The following TM7SF2 variants were observed in gnomAD, a reference collection of about 807,000 sequenced individuals.
TM7SF2 encodes the protein delta(14)-sterol reductase TM7SF2.
TM7SF2 carries 51 observed loss-of-function variants against 51.0 expected under a neutral mutation model. The ratio of observed to expected loss-of-function variants is 1.00; its 90% confidence interval spans 0.80 to 1.26. The LOEUF (loss-of-function observed/expected upper bound fraction) is 1.26. Among genes scored for constraint, TM7SF2 ranks in the 50% most tolerant of loss-of-function variants. The probability of loss-of-function intolerance (pLI) is 0.00; values close to 1 mark genes in which losing one functional copy is unlikely to be tolerated. For synonymous variants in TM7SF2, 255 were observed against 241.0 expected (o/e 1.06, Z -0.54); for missense variants, 541 against 547.4 (o/e 0.99, Z 0.12).
intron 9 of TM7SF2, 123 bp downstream of exon 9, chr11:65,115,721 T>C (rs960008423): frequency 1.9e-6 from 3 of 1,582,968 alleles, no homozygotes; most frequent in Non-Finnish European, 2.6e-6. Flanking sequence ...GTGGACCCAG[T>C]GTGTGGCTGG....
In TM7SF2 at chr11:65,115,613, T is replaced by C; in HGVS notation, c.1096+15T>C. The stretch of plus-strand genomic sequence containing the variant: ...CTTGCCCTGCGGTGAGTGGCCCATG[T>C]GGATATGGGTAGGGACATGTGAGGG... On this transcript the variant is annotated intron_variant, in intron 9 of 9. Coordinates refer to ENST00000279263, the MANE Select transcript of TM7SF2 (RefSeq NM_003273.6). 6.2e-7 allele frequency: 1 copy of C among 1,613,698 alleles called. No homozygotes were observed. The highest frequency in any genetic ancestry group is 1.1e-5 in the South Asian group (1 of 91,068).
Position 65,115,549 on chromosome 11 carries a change from CAACT to C in TM7SF2, c.1049_1052del (p.Asn350IlefsTer117). ...GGTGGTGGGGTATGGTCCGCCATCC[CAACT>C]ATCTTGGAGACCTCATCATGGCTCT... On this transcript the variant is annotated frameshift_variant, in exon 9 of 10. Transcript: ENST00000279263. LOFTEE classifies it high-confidence loss of function. 1.2e-6 allele frequency: 2 copies of C among 1,614,090 alleles called. No homozygotes were observed. The highest frequency in any genetic ancestry group is 1.7e-6 in the Non-Finnish European group (2 of 1,180,022).
In TM7SF2 at chr11:65,112,085, T is replaced by C. The variant is rs757518542; in HGVS notation, c.52+18T>C. 2.5e-6 allele frequency: 4 copies of C among 1,592,624 alleles called. No individual in the cohort carries two copies. The highest frequency in any genetic ancestry group is 3.4e-6 in the Non-Finnish European group (4 of 1,172,366). ...GCCCCTGGGTAATGGGGCAGAGAGA[T>C]GGGACCTGGGGCAAAGGCTAAGCGA... On this transcript the variant is annotated intron_variant, in intron 1 of 9. Transcript: ENST00000279263.
rs780903663 is a variant in TM7SF2, at chr11:65,115,570, C to G, written c.1068C>G (p.Ile356Met). ...VRHPNYLGDL[I>M]MALAWSLPCG... ...ATCCCAACTATCTTGGAGACCTCAT[C>G]ATGGCTCTGGCTTGGTCCTTGCCCT... Residue 356 changes from isoleucine to methionine, a missense_variant, in exon 9 of 10, where the codon ATC becomes ATG. By Grantham distance (10) the Ile-to-Met change is conservative. Transcript: ENST00000279263. The G allele has an allele frequency of 3.1e-6, 5 of 1,614,116 alleles. 1 individual carries two copies. The South Asian group carries it at 5.5e-5, about 18-fold the overall frequency.
chr11:65,113,404 G>A lies in TM7SF2; in HGVS notation c.489G>A (p.Gly163=), dbSNP rs774091739. 2 of 1,614,086 alleles carry A rather than the reference G, an allele frequency of 1.2e-6. No individual in the cohort carries two copies. Among genetic ancestry groups the A allele is most frequent in the African/African-American group, 1.3e-5 (1 of 74,954 alleles). ...QVAPVSALAP[G]GNSGNPIYDF... ...CCCCAGTTTCGGCCCTGGCACCTGG[G>A]GGGAACTCAGGTGAGAGGGGTCCTG... is the stretch of plus-strand genomic sequence containing the variant. Residue 163 remains glycine, a synonymous_variant, in exon 4 of 10, where the codon GGG becomes GGA. Coordinates refer to ENST00000279263, the MANE Select transcript of TM7SF2 (RefSeq NM_003273.6).
At chr11:65,114,593 G>C (rs1407239841) in intron 5 of TM7SF2, 120 bp from the exon 6 acceptor site, 1 of 1,264,174 alleles carries the variant, frequency 7.9e-7, no homozygotes, top group Non-Finnish European at 1.1e-6. Flanking sequence ...CTTGGGTCTA[G>C]GGCCTGGATC....
rs780661792 is a variant in TM7SF2 at position 65,115,768 on chromosome 11, G to A, written c.1097-125G>A. ...GTGCCAACCTAGTACCGTGTGCTTT[G>A]CTGCAGACCCTGGCGCTTTTGCTGC... is the stretch of plus-strand genomic sequence containing the variant. On this transcript the variant is annotated intron_variant, in intron 9 of 9. Coordinates refer to ENST00000279263, the MANE Select transcript of TM7SF2 (RefSeq NM_003273.6). 3.2e-6 allele frequency: 5 copies of A among 1,575,158 alleles called. No individual in the cohort carries two copies. The Admixed American group carries it at 8.4e-5, about 26-fold the overall frequency.
intron 9 of TM7SF2, 58 bp downstream of exon 9, chr11:65,115,656 A>C: frequency 3.1e-6 from 5 of 1,611,254 alleles, no homozygotes; most frequent in Non-Finnish European, 4.2e-6. Flanking sequence ...TGGCTCAGCG[A>C]CCACAGGATG....
chr11:65,115,134 T>C (rs1947960666), intron 7 of TM7SF2, 53 bp downstream of exon 7: 1 of 1,603,828 alleles, frequency 6.2e-7, no homozygotes, highest in Non-Finnish European at 8.5e-7. Context: ...ATCCCTTTGA[T>C]TCATGCTCTG....
chr11:65,113,972 C>A (rs1162330742), intron 5 of TM7SF2, among the ~76,000 whole-genome samples: 3 of 152,186 alleles, frequency 2.0e-5, no homozygotes, highest in African/African-American at 7.2e-5. Flanking sequence ...TGAAATTGAT[C>A]GCTGGGGTTA....
In TM7SF2 at chr11:65,116,218, C is replaced by G; in HGVS notation, c.*165C>G. 8.4e-7 allele frequency: 1 copy of G among 1,195,022 alleles called. No individual in the cohort carries two copies. Among genetic ancestry groups the G allele is most frequent in the Non-Finnish European group, 1.1e-6 (1 of 876,050 alleles). The allele number at this position is 1,195,022 out of a possible 1,614,324, so 74.0% of individuals were successfully genotyped here. A position where few individuals can be genotyped will look rare whatever the true frequency, so the allele number is the denominator to read the frequency against. On this transcript the variant is annotated 3_prime_UTR_variant, in exon 10 of 10. Transcript: ENST00000279263. Reference sequence around the variant, plus strand: ...GTTTAGAGCAAGGAAAAAAATGAAACCAGTGACCAAAATCGGAGATGCTCT... The same window carrying G: ...GTTTAGAGCAAGGAAAAAAATGAAAGCAGTGACCAAAATCGGAGATGCTCT...
intron 3 of TM7SF2, 34 bp downstream of exon 3, chr11:65,112,899 A>G: frequency 6.5e-7 from 1 of 1,544,586 alleles, no homozygotes; most frequent in Non-Finnish European, 8.7e-7. Context: ...GCTGGAGTTA[A>G]GCGGCCGGGG....
chr11:65,113,146 G>A, intron 3 of TM7SF2, 74 bp from the exon 4 acceptor site: 1 of 1,437,478 alleles, frequency 7.0e-7, no homozygotes, highest in Non-Finnish European at 9.2e-7. Flanking sequence ...CCTGAGTTTT[G>A]GGCTCTGCGT....
At position 65,112,806 on chromosome 11, in the gene TM7SF2, C is replaced by T; in HGVS notation, c.250-5C>T. The T allele has an allele frequency of 1.3e-6, 2 of 1,550,354 alleles. No homozygotes were observed. The highest frequency in any genetic ancestry group is 1.7e-6 in the Non-Finnish European group (2 of 1,146,920). ...GGCCTTATCAGAGCCCCCTTGGACC[C>T]GCAGGTGGCCGAGGGGCAGGAATTG... On this transcript the variant is annotated splice_region_variant and splice_polypyrimidine_tract_variant and intron_variant, in intron 2 of 9. Transcript: ENST00000279263.
Position 65,111,910 on chromosome 11 carries a change from G to A in TM7SF2, c.-106G>A, listed in dbSNP as rs1017126794. On this transcript the variant is annotated 5_prime_UTR_variant, in exon 1 of 10. Transcript: ENST00000279263. ...GTCCAGGCAGGTGCAGGCGCCGCGG[G>A]GCCGGATCCTCCGCGCGGCCGAGTC... 2 of 1,298,134 alleles carry A rather than the reference G, an allele frequency of 1.5e-6. No homozygotes were observed. Among genetic ancestry groups the A allele is most frequent in the Non-Finnish European group, 2.2e-6 (2 of 919,472 alleles). 80.4% of individuals were successfully genotyped at this position (1,298,134 alleles called of 1,614,324 possible). A position where few individuals can be genotyped will look rare whatever the true frequency, so the allele number is the denominator to read the frequency against.
At position 65,115,690 on chromosome 11, in the gene TM7SF2, A is replaced by G. The variant is rs537944472; in HGVS notation, c.1096+92A>G. On this transcript the variant is annotated intron_variant, in intron 9 of 9. Coordinates refer to ENST00000279263, the MANE Select transcript of TM7SF2 (RefSeq NM_003273.6). ...TGCCTACTTTGGGTATGCACCAGTG[A>G]GAGTAGTCAGAGAGCTGGGGGTGGA... is the stretch of plus-strand genomic sequence containing the variant. 2.0e-4 allele frequency: 314 copies of G among 1,604,478 alleles called. 2 individuals carry two copies. The South Asian group carries it at 3.0e-3, about 16-fold the overall frequency.
At position 65,112,720 on chromosome 11, in the gene TM7SF2, C is replaced by T; in HGVS notation, c.249+9C>T. ...TACTGCCGGCGCGCAAGGTGCGGGC[C>T]CCGCTCGCGGACGCTCGGGGGAGGG... is the stretch of plus-strand genomic sequence containing the variant. On this transcript the variant is annotated intron_variant, in intron 2 of 9. Coordinates refer to ENST00000279263, the MANE Select transcript of TM7SF2 (RefSeq NM_003273.6). 6.5e-7 allele frequency: 1 copy of T among 1,547,740 alleles called. No individual in the cohort carries two copies. Among genetic ancestry groups the T allele is most frequent in the Non-Finnish European group, 8.7e-7 (1 of 1,146,214 alleles).
Position 65,115,961 on chromosome 11 carries a change from C to A in TM7SF2, c.1165C>A (p.Arg389=), listed in dbSNP as rs372966759. The A allele has an allele frequency of 8.7e-6, 14 of 1,613,776 alleles. No individual in the cohort carries two copies. In the African/African-American group the frequency reaches 1.9e-4, roughly 22 times the overall value. The change falls in exon 10 of 10, where the codon CGG becomes AGG. Residue 389 remains arginine (R), a synonymous_variant. Coordinates refer to ENST00000279263, the MANE Select transcript of TM7SF2 (RefSeq NM_003273.6). ...CGCGCTGCTGGTGCACCGTGAGGCCCGGGATGAGCGGCAGTGCCTGCAGAA... is the reference window on the plus strand; with the variant it reads ...CGCGCTGCTGGTGCACCGTGAGGCCAGGGATGAGCGGCAGTGCCTGCAGAA... The part of the protein sequence containing the change: ...FTALLVHREA[R]DERQCLQKYG...
Position 65,114,849 on chromosome 11 carries a change from C to T in TM7SF2, c.723+17C>T, listed in dbSNP as rs368969753. On this transcript the variant is annotated intron_variant, in intron 6 of 9. Transcript: ENST00000279263. ...TGGCACGAGGTGAGGCTGGACTGGA[C>T]GAGGGTGGGTGTCTGAGGGCCGCAT... 23 of 1,614,154 alleles carry T rather than the reference C, an allele frequency of 1.4e-5. No homozygotes were observed. Among genetic ancestry groups the T allele is most frequent in the South Asian group, 8.8e-5 (8 of 91,084 alleles).
Sources: gnomAD v4.1 joint callset for allele counts (sites outside exome capture counted in the v4.1 genomes callset) on GRCh38, gnomAD v4.1.1 for gene constraint, MANE v1.5 for transcripts, NCBI Gene and HGNC (gene_info 2026-07-23, HGNC 2026-07-21) for gene names.